ARHGAP36: variants seen among roughly 807,000 people sequenced by gnomAD.
The protein encoded by ARHGAP36 is Rho GTPase activating protein 36.
In ARHGAP36, 7 loss-of-function variants were observed where a neutral mutation model predicts 32.9. The ratio of observed to expected loss-of-function variants is 0.21; its 90% confidence interval spans 0.12 to 0.40. ARHGAP36 has a LOEUF of 0.40. ARHGAP36 is among the 10% of genes least tolerant of loss of function. The pLI, the probability that ARHGAP36 is intolerant of heterozygous loss-of-function variation, is 1.00. For synonymous variants in ARHGAP36, 165 were observed against 168.3 expected, an observed-to-expected ratio of 0.98 and a Z score of 0.15; for missense variants, 383 against 442.2, an observed-to-expected ratio of 0.87 and a Z score of 1.20.
At chrX:131,068,204 C>T (rs944896499) in intron 1 of ARHGAP36, among the ~76,000 whole-genome samples, 10 of 111,920 alleles carry the variant, frequency 8.9e-5, no homozygotes, top group South Asian at 7.6e-4. Context: ...CGGCCACACA[C>T]CGAACGCACA....
At chrX:131,079,020 G>A (rs1285081880) in intron 1 of ARHGAP36, among the ~76,000 whole-genome samples, 1 of 111,401 alleles carries the variant, frequency 9.0e-6, no homozygotes, top group Non-Finnish European at 1.9e-5. Context: ...CTTATTTTTG[G>A]GTGAAAAAAC....
At chrX:131,078,110 T>C (rs1227423651) in intron 1 of ARHGAP36, among the ~76,000 whole-genome samples, 1 of 111,204 alleles carries the variant, frequency 9.0e-6, no homozygotes, top group Admixed American at 9.5e-5. Flanking sequence ...AACATGATTT[T>C]TTTTGTAAAC....
At chrX:131,070,895 A>G (rs775697692) in intron 1 of ARHGAP36, among the ~76,000 whole-genome samples, 3 of 109,154 alleles carry the variant, frequency 2.7e-5, no homozygotes, top group Non-Finnish European at 5.7e-5. Flanking sequence ...ATACCAGCCC[A>G]TGTTGCTAGT....
Position 131,081,629 on chromosome X carries a change from T to C in ARHGAP36, c.-37T>C, listed in dbSNP as rs772995448. Reference sequence around the variant, plus strand: ...TTCTCTCCACCAGGTCCAGTGACAATTGGATGATGCAGCCTTGATAATCAT... The same window carrying C: ...TTCTCTCCACCAGGTCCAGTGACAACTGGATGATGCAGCCTTGATAATCAT... On this transcript the variant is annotated 5_prime_UTR_variant, in exon 2 of 12. Coordinates refer to ENST00000276211, the MANE Select transcript of ARHGAP36 (RefSeq NM_144967.4). 30 of 1,007,167 alleles carry C rather than the reference T, an allele frequency of 3.0e-5. No individual in the cohort carries two copies. Among genetic ancestry groups the C allele is most frequent in the African/African-American group, 4.2e-5 (2 of 47,506 alleles). 83.0% of individuals were successfully genotyped at this position (1,007,167 alleles called of 1,213,427 possible).
At chrX:131,077,564 A>G (rs1227665866) in intron 1 of ARHGAP36, among the ~76,000 whole-genome samples, 1 of 110,373 alleles carries the variant, frequency 9.1e-6, no homozygotes, top group Non-Finnish European at 1.9e-5. Flanking sequence ...TGAAGTGGGT[A>G]ACCTTTCTGA....
In ARHGAP36 at chrX:131,084,875, T is replaced by C. The variant is rs772383550; in HGVS notation, c.805-39T>C. Reference sequence around the variant, plus strand: ...AGGAATGACCAAGATGGAGCTGTGGTGGGCCAGGCAGACAGTCCCTGTCTT... The same window carrying C: ...AGGAATGACCAAGATGGAGCTGTGGCGGGCCAGGCAGACAGTCCCTGTCTT... On this transcript the variant is annotated intron_variant, in intron 6 of 11. Coordinates refer to ENST00000276211, the MANE Select transcript of ARHGAP36 (RefSeq NM_144967.4). 16 of 1,203,721 alleles carry C rather than the reference T, an allele frequency of 1.3e-5. No homozygotes were observed. In the East Asian group the frequency reaches 4.4e-4, roughly 33 times the overall value.
At chrX:131,084,540 C>CGATG (rs1456772471) in intron 5 of ARHGAP36, 86 bp from the exon 6 acceptor site, 2 of 1,146,015 alleles carry the variant, frequency 1.7e-6, no homozygotes, top group African/African-American at 1.8e-5. Context: ...GTGGAGGTCG[C>CGATG]GATGCAGTAG....
Position 131,081,894 on chromosome X carries a change from C to T in ARHGAP36, c.229C>T (p.Leu77Phe), listed in dbSNP as rs1381492361. Residue 77 changes from leucine (L) to phenylalanine (F), a missense_variant, in exon 2 of 12, where the codon CTC becomes TTC. Leu to Phe is a conservative substitution (Grantham distance 22, BLOSUM62 0). Transcript: ENST00000276211. ...CCACGAACTCGTGGCCAGACATTTC[C>T]TCTCCGAATTCAAACCTGACAGAGG... is the stretch of plus-strand genomic sequence containing the variant. ...AYHELVARHF[L>F]SEFKPDRALP... 8.3e-7 allele frequency: 1 copy of T among 1,210,254 alleles called. No individual in the cohort carries two copies. The highest frequency in any genetic ancestry group is 1.7e-5 in the African/African-American group (1 of 57,204).
rs138294949 is a variant in ARHGAP36 at position 131,067,296 on chromosome X, G to A, written c.-143+8852G>A. 2.8e-3 allele frequency among the ~76,000 whole-genome samples: 320 copies of A among 113,032 alleles called. 1 individual carries two copies. The highest frequency in any genetic ancestry group is 1.0e-2 in the African/African-American group (311 of 31,213). The stretch of plus-strand genomic sequence containing the variant: ...AGGCACCAGCTGGGATCTCCTGGGC[G>A]GGGGAGGGGTGTCAGGTCAGAGACC... On this transcript the variant is annotated intron_variant, in intron 1 of 11. Transcript: ENST00000276211.
At chrX:131,080,560 T>C (rs537673254) in intron 1 of ARHGAP36, among the ~76,000 whole-genome samples, 2 of 112,199 alleles carry the variant, frequency 1.8e-5, no homozygotes, top group South Asian at 7.4e-4. Flanking sequence ...GTGTGAGGTG[T>C]AGGGGCATAC....
chrX:131,070,979 T>C (rs1232691020), intron 1 of ARHGAP36, among the ~76,000 whole-genome samples: 3 of 110,209 alleles, frequency 2.7e-5, no homozygotes, highest in Non-Finnish European at 3.8e-5. Context: ...TCCTGGCATA[T>C]AGGTCTAAAA....
intron 1 of ARHGAP36, among the ~76,000 whole-genome samples, chrX:131,069,967 A>C (rs1451007889): frequency 3.6e-5 from 4 of 112,591 alleles, no homozygotes; most frequent in Admixed American, 9.4e-5. Flanking sequence ...TGCAAGCGCT[A>C]TACAGGCGGC....
rs776473381 is a variant in ARHGAP36, at chrX:131,086,323, C to G, written c.1282-6C>G. ...TGATGGCTAATGTTGCTAATTCTAC[C>G]CTCAGGTGCCTCCCCATATTCAGAG... is the stretch of plus-strand genomic sequence containing the variant. On this transcript the variant is annotated splice_region_variant and splice_polypyrimidine_tract_variant and intron_variant, in intron 9 of 11. Transcript: ENST00000276211. The G allele has an allele frequency of 8.3e-7, 1 of 1,209,862 alleles. No individual in the cohort carries two copies. The highest frequency in any genetic ancestry group is 1.8e-5 in the South Asian group (1 of 56,910).
At chrX:131,075,621 A>ATGTGTG (rs764591310) in intron 1 of ARHGAP36, among the ~76,000 whole-genome samples, 64 of 28,392 alleles carry the variant, frequency 2.3e-3, no homozygotes, top group South Asian at 0.014. Context: ...GTGTGTATAT[A>ATGTGTG]TATGTGTGTG....
In ARHGAP36 at chrX:131,084,223, G is replaced by A. The variant is rs755012866; in HGVS notation, c.564G>A (p.Val188=). 8.3e-7 allele frequency: 1 copy of A among 1,204,675 alleles called. No homozygotes were observed. Among genetic ancestry groups the A allele is most frequent in the Non-Finnish European group, 1.1e-6 (1 of 892,447 alleles). ...EFTRRGRRGA[V]SVDSLAELED... ...TCTGGATTTCTCCACAGGGTGCAGTGTCTGTGGATAGTCTGGCTGAGCTGG... is the reference window on the plus strand; with the variant it reads ...TCTGGATTTCTCCACAGGGTGCAGTATCTGTGGATAGTCTGGCTGAGCTGG... The change falls in exon 5 of 12, where the codon GTG becomes GTA. Residue 188 remains valine, a synonymous_variant. Coordinates refer to ENST00000276211, the MANE Select transcript of ARHGAP36 (RefSeq NM_144967.4).
chrX:131,083,843 C>G lies in ARHGAP36; in HGVS notation c.429C>G (p.Thr143=), dbSNP rs1456937670. 4.1e-6 allele frequency: 5 copies of G among 1,210,806 alleles called. No homozygotes were observed. The highest frequency in any genetic ancestry group is 1.7e-5 in the African/African-American group (1 of 57,392). ...LTATMQVEEA[T]GQAAGRRRGN... ...CCACGATGCAGGTTGAAGAAGCCACCGGTCAGGCTGCGGGCCGTCGTCGGG... is the reference window on the plus strand; with the variant it reads ...CCACGATGCAGGTTGAAGAAGCCACGGGTCAGGCTGCGGGCCGTCGTCGGG... Residue 143 remains threonine, a synonymous_variant, in exon 4 of 12, where the codon ACC becomes ACG. Transcript: ENST00000276211.
intron 11 of ARHGAP36, 152 bp downstream of exon 11, chrX:131,086,817 TAATC>T: frequency 2.2e-6 from 1 of 458,809 alleles, no homozygotes; most frequent in Non-Finnish European, 3.7e-6. Context: ...TTGAATATCT[TAATC>T]AAGGAGTAGT....
chrX:131,084,509 A>T (rs989167574), intron 5 of ARHGAP36, 102 bp downstream of exon 5: 1 of 1,134,831 alleles, frequency 8.8e-7, no homozygotes, highest in African/African-American at 1.8e-5. Flanking sequence ...AAGGGCTTGG[A>T]TAACATTCCC....
chrX:131,082,914 G>C (rs900679192), intron 2 of ARHGAP36, among the ~76,000 whole-genome samples: 2 of 113,475 alleles, frequency 1.8e-5, no homozygotes, highest in African/African-American at 6.4e-5. Context: ...CAAGATGCGC[G>C]GTGCGCACGC....
Sources: gnomAD v4.1 joint callset for allele counts (sites outside exome capture counted in the v4.1 genomes callset) on GRCh38, gnomAD v4.1.1 for gene constraint, MANE v1.5 for transcripts, NCBI Gene and HGNC (gene_info 2026-07-23, HGNC 2026-07-21) for gene names.